The following RPH3A variants were observed in gnomAD, a reference collection of about 807,000 sequenced individuals.
RPH3A encodes rabphilin 3A.
RPH3A carries 48 observed loss-of-function variants against 102.2 expected under a neutral mutation model. That is an observed-to-expected ratio of 0.47 (90% confidence interval 0.37 to 0.60). The LOEUF (loss-of-function observed/expected upper bound fraction) is 0.60. Among genes scored for constraint, RPH3A ranks in the 20% least tolerant of loss-of-function variants. The pLI is 0.00. For synonymous variants in RPH3A, 310 were observed against 324.3 expected (o/e 0.96, Z 0.47); for missense variants, 781 against 910.1 (o/e 0.86, Z 1.83).
intron 1 of RPH3A, among the ~76,000 whole-genome samples, chr12:112,677,103 A>T (rs1226979893): frequency 6.6e-6 from 1 of 152,172 alleles, no homozygotes; most frequent in Non-Finnish European, 1.5e-5. Flanking sequence ...TGAAGAGCCC[A>T]AGAAGTTGAG....
chr12:112,603,794 C>T (rs565191416), intron 1 of RPH3A, among the ~76,000 whole-genome samples: 2 of 152,272 alleles, frequency 1.3e-5, no homozygotes, highest in Admixed American at 6.5e-5. Flanking sequence ...GTCCCAGTCT[C>T]ATTTTTCTTC....
intron 1 of RPH3A, among the ~76,000 whole-genome samples, chr12:112,656,313 T>C (rs1040652240): frequency 4.6e-5 from 7 of 152,240 alleles, no homozygotes; most frequent in Admixed American, 6.5e-5. Context: ...TTTGACGTCA[T>C]AGATAAATCT....
At chr12:112,620,301 G>A (rs1295167149) in intron 1 of RPH3A, among the ~76,000 whole-genome samples, 1 of 152,174 alleles carries the variant, frequency 6.6e-6, no homozygotes, top group Non-Finnish European at 1.5e-5. Context: ...GTCCAAGTAG[G>A]GATGGGGTAG....
chr12:112,897,071 G>C lies in RPH3A; in HGVS notation c.*291G>C, dbSNP rs1939143305. On this transcript the variant is annotated 3_prime_UTR_variant, in exon 22 of 22. Coordinates refer to ENST00000389385, the MANE Select transcript of RPH3A (RefSeq NM_001143854.2). ...AGGTTGATCATTTAATAACCTCTCA[G>C]TTTGGGTAAATTACAAAGGTTCTTC... 1 of 344,400 alleles carries C rather than the reference G, an allele frequency of 2.9e-6. No individual in the cohort carries two copies. The highest frequency in any genetic ancestry group is 5.5e-6 in the Non-Finnish European group (1 of 182,298). 21.3% of individuals were successfully genotyped at this position (344,400 alleles called of 1,614,324 possible).
intron 1 of RPH3A, among the ~76,000 whole-genome samples, chr12:112,654,312 T>C (rs1205271352): frequency 6.6e-6 from 1 of 152,176 alleles, no homozygotes; most frequent in African/African-American, 2.4e-5. Flanking sequence ...TTAAGGAGCT[T>C]TTTGAGGTCT....
At chr12:112,724,053 T>TA (rs1491530649) in intron 1 of RPH3A, among the ~76,000 whole-genome samples, 1 of 67,504 alleles carries the variant, frequency 1.5e-5, no homozygotes, top group African/African-American at 5.8e-5. Context: ...ATTTTTTTGA[T>TA]TTTTTTTTTT....
intron 1 of RPH3A, among the ~76,000 whole-genome samples, chr12:112,752,017 G>A (rs2040788734): frequency 6.6e-6 from 1 of 152,162 alleles, no homozygotes; most frequent in Admixed American, 6.5e-5. Flanking sequence ...GATAGGGTGT[G>A]TACCCCAGTG....
intron 1 of RPH3A, among the ~76,000 whole-genome samples, chr12:112,673,652 AT>A (rs1436136530): frequency 6.6e-6 from 1 of 152,200 alleles, no homozygotes; most frequent in Non-Finnish European, 1.5e-5. Context: ...TGGGATATTC[AT>A]CCCTTCAAGC....
intron 1 of RPH3A, among the ~76,000 whole-genome samples, chr12:112,761,984 A>G (rs2040857197): frequency 6.6e-6 from 1 of 152,130 alleles, no homozygotes; most frequent in Non-Finnish European, 1.5e-5. Context: ...AGTAATGCAA[A>G]CTCTCTGAGC....
chr12:112,775,004 A>G (rs1247591316), intron 1 of RPH3A, among the ~76,000 whole-genome samples: 2 of 152,000 alleles, frequency 1.3e-5, no homozygotes, highest in Non-Finnish European at 2.9e-5. Flanking sequence ...AGAATATAAA[A>G]TTGTCTATAA....
chr12:112,712,879 T>TTTTTTCTTCTTCTTC (rs2040472924), intron 1 of RPH3A, among the ~76,000 whole-genome samples: 3 of 136,848 alleles, frequency 2.2e-5, no homozygotes, highest in African/African-American at 9.6e-5. Context: ...CTCACTTTTT[T>TTTTTTCTTCTTCTTC]TTCTTCTTCT....
chr12:112,884,587 C>T (rs1050571306), intron 16 of RPH3A, among the ~76,000 whole-genome samples: 3 of 152,138 alleles, frequency 2.0e-5, no homozygotes, highest in Non-Finnish European at 2.9e-5. Flanking sequence ...CAACTTTATT[C>T]TTCCTTGTGT....
At chr12:112,648,597 AAG>A (rs2039950893) in intron 1 of RPH3A, among the ~76,000 whole-genome samples, 1 of 141,292 alleles carries the variant, frequency 7.1e-6, no homozygotes, top group Non-Finnish European at 1.5e-5. Context: ...AAAAAAAAAA[AAG>A]CTAGGTGTTG....
At chr12:112,758,476 T>C (rs1470685820) in intron 1 of RPH3A, among the ~76,000 whole-genome samples, 2 of 152,202 alleles carry the variant, frequency 1.3e-5, no homozygotes, top group African/African-American at 4.8e-5. Context: ...GCAAAATGGC[T>C]TGTGGGATGA....
At chr12:112,760,093 C>T (rs1383234794) in intron 1 of RPH3A, among the ~76,000 whole-genome samples, 1 of 152,220 alleles carries the variant, frequency 6.6e-6, no homozygotes, top group Non-Finnish European at 1.5e-5. Context: ...TGAAACACCA[C>T]ATTTAATAAG....
intron 19 of RPH3A, 95 bp downstream of exon 19, chr12:112,891,098 C>A: frequency 7.0e-7 from 1 of 1,434,314 alleles, no homozygotes; most frequent in Non-Finnish European, 9.5e-7. Flanking sequence ...TCGTTGTACA[C>A]TGAGACCCAG....
chr12:112,865,244 G>A (rs568414587), intron 5 of RPH3A, among the ~76,000 whole-genome samples, 170 bp from the exon 6 acceptor site: 41 of 152,284 alleles, frequency 2.7e-4, no homozygotes, highest in Admixed American at 9.8e-4. Flanking sequence ...CTGAAAATGC[G>A]TCAGAATTTT....
chr12:112,777,845 G>A (rs1169782744), intron 1 of RPH3A, among the ~76,000 whole-genome samples: 3 of 152,232 alleles, frequency 2.0e-5, no homozygotes, highest in African/African-American at 7.2e-5. Context: ...TTTTTTGGCT[G>A]AGCTAGGATA....
At chr12:112,811,400 T>C (rs557718513) in intron 2 of RPH3A, among the ~76,000 whole-genome samples, 1 of 152,312 alleles carries the variant, frequency 6.6e-6, no homozygotes, top group African/African-American at 2.4e-5. Flanking sequence ...TTATTTTCTC[T>C]GTAAGGCAAA....
Sources: allele counts gnomAD v4.1 joint callset (sites outside exome capture counted in the v4.1 genomes callset), GRCh38; gene constraint gnomAD v4.1.1; transcripts MANE v1.5; gene names NCBI Gene and HGNC (gene_info 2026-07-23, HGNC 2026-07-21).